UBE3A: variants seen among roughly 807,000 people sequenced by gnomAD.
UBE3A encodes ubiquitin-protein ligase E3A.
A neutral mutation model predicts 83.4 loss-of-function variants in UBE3A; 6 were observed. That is an observed-to-expected ratio of 0.07 (90% CI 0.04 to 0.14). The LOEUF (loss-of-function observed/expected upper bound fraction) is 0.14. Among genes scored for constraint, UBE3A ranks in the 10% least tolerant of loss-of-function variants. The pLI is 1.00. For missense variants in UBE3A, 456 were observed against 1,036.1 expected (o/e 0.44, Z 7.69); for synonymous variants, 337 against 355.4 (o/e 0.95, Z 0.58).
chr15:25,362,191 G>C (rs1168915111), intron 6 of UBE3A, among the ~76,000 whole-genome samples: 1 of 152,190 alleles, frequency 6.6e-6, no homozygotes, highest in East Asian at 1.9e-4. Flanking sequence ...CAAAGAGTTT[G>C]ACAAAACTAG....
At chr15:25,414,663 T>C (rs2090558308) in intron 1 of UBE3A, among the ~76,000 whole-genome samples, 1 of 152,206 alleles carries the variant, frequency 6.6e-6, no homozygotes, top group Non-Finnish European at 1.5e-5. Flanking sequence ...TTCTCAGTCA[T>C]ATTCTAAAGA....
Position 25,362,069 on chromosome 15 carries a change from T to G in UBE3A, c.1609-1542A>C, listed in dbSNP as rs1173825854. On this transcript the variant is annotated intron_variant, in intron 6 of 12. Coordinates refer to ENST00000648336, the MANE Select transcript of UBE3A (RefSeq NM_130839.5). ...GCAATCAGCAATGGGAAAATCAGAA[T>G]GCATTCCACATAGTAATGGAACCTA... 2.6e-5 allele frequency among the ~76,000 whole-genome samples: 4 copies of G among 152,204 alleles called. No individual in the cohort carries two copies. In the East Asian group the frequency reaches 7.7e-4, roughly 29 times the overall value.
At chr15:25,368,836 G>T (rs1311367011) in intron 6 of UBE3A, among the ~76,000 whole-genome samples, 1 of 152,198 alleles carries the variant, frequency 6.6e-6, no homozygotes, top group East Asian at 1.9e-4. Flanking sequence ...AAAAATGGGG[G>T]ACTGAGGAAA....
At chr15:25,364,648 T>TTG (rs1555395647) in intron 6 of UBE3A, among the ~76,000 whole-genome samples, 16 of 128,720 alleles carry the variant, frequency 1.2e-4, no homozygotes, top group African/African-American at 3.9e-4. Flanking sequence ...TTTGTTTGTT[T>TTG]TTTTTTTTTT....
At chr15:25,366,594 T>C (rs1165189220) in intron 6 of UBE3A, among the ~76,000 whole-genome samples, 1 of 152,202 alleles carries the variant, frequency 6.6e-6, no homozygotes, top group Non-Finnish European at 1.5e-5. Context: ...TAGATATTTA[T>C]GTGAAATGCT....
chr15:25,412,128 G>C (rs1053580571), intron 1 of UBE3A, among the ~76,000 whole-genome samples, 157 bp from the exon 2 acceptor site: 2 of 152,012 alleles, frequency 1.3e-5, no homozygotes, highest in Admixed American at 6.6e-5. Context: ...CTGTTGCCGG[G>C]ATGAGGAAAG....
chr15:25,339,672 G>A (rs1396519504), intron 12 of UBE3A: 7 of 298,688 alleles, frequency 2.3e-5, no homozygotes, highest in Non-Finnish European at 4.5e-5. Context: ...CAAAGTGTGT[G>A]CTCTTAAATG....
intron 9 of UBE3A, 104 bp downstream of exon 9, chr15:25,355,788 T>A: frequency 8.6e-7 from 1 of 1,159,460 alleles, no homozygotes; most frequent in Non-Finnish European, 1.2e-6. Context: ...TTACTTGTTT[T>A]TTTTTTGTAC....
In UBE3A at chr15:25,411,893, A is replaced by T. The variant is rs936406057; in HGVS notation, c.-101+15T>A. On this transcript the variant is annotated intron_variant, in intron 2 of 12. Transcript: ENST00000648336. ...ACATGCAATACGAATTCCAAAAAATAAAACAAAAACATACCATATTTCGCC... is the reference window on the plus strand; with the variant it reads ...ACATGCAATACGAATTCCAAAAAATTAAACAAAAACATACCATATTTCGCC... 6.6e-6 allele frequency: 1 copy of T among 152,220 alleles called. No individual in the cohort carries two copies. Among genetic ancestry groups the T allele is most frequent in the African/African-American group, 2.4e-5 (1 of 41,454 alleles). The allele number at this position is 152,220 out of a possible 1,614,324, so 9.4% of individuals were successfully genotyped here.
intron 1 of UBE3A, among the ~76,000 whole-genome samples, chr15:25,435,251 C>A (rs1363988361): frequency 6.6e-6 from 1 of 152,012 alleles, no homozygotes; most frequent in Non-Finnish European, 1.5e-5. Flanking sequence ...CACACACACA[C>A]ACACACACAA....
intron 3 of UBE3A, among the ~76,000 whole-genome samples, chr15:25,406,774 A>T (rs1473742414): frequency 6.6e-6 from 1 of 151,550 alleles, no homozygotes; most frequent in Non-Finnish European, 1.5e-5. Context: ...AAAAACAAAA[A>T]ACAACCCCTC....
intron 5 of UBE3A, chr15:25,375,069 A>G (rs1331396542): frequency 1.5e-5 from 3 of 203,204 alleles, no homozygotes; most frequent in Non-Finnish European, 3.0e-5. Flanking sequence ...AATGGAAAAA[A>G]CCCACTGTTT....
rs1412508793 is a variant in UBE3A at position 25,338,345 on chromosome 15, C to T, written c.*792G>A. ...CAACGAGAACAACAAGAACAAAAAT[C>T]CCTGTCCTTTCATATACTAAGAAAG... On this transcript the variant is annotated 3_prime_UTR_variant, in exon 13 of 13. Coordinates refer to ENST00000648336, the MANE Select transcript of UBE3A (RefSeq NM_130839.5). The T allele has an allele frequency of 6.6e-6, 1 of 152,100 alleles. No individual in the cohort carries two copies. Among genetic ancestry groups the T allele is most frequent in the African/African-American group, 2.4e-5 (1 of 41,432 alleles). 9.4% of individuals were successfully genotyped at this position (152,100 alleles called of 1,614,324 possible). A position where few individuals can be genotyped will look rare whatever the true frequency, so the allele number is the denominator to read the frequency against.
chr15:25,363,891 T>G (rs969496901), intron 6 of UBE3A, among the ~76,000 whole-genome samples: 1 of 152,146 alleles, frequency 6.6e-6, no homozygotes, highest in Non-Finnish European at 1.5e-5. Flanking sequence ...CATAAAATAC[T>G]GTACCACTTA....
chr15:25,355,784 GT>G lies in UBE3A; in HGVS notation c.2124+107del, dbSNP rs901925825. 2,071 of 975,824 alleles carry G rather than the reference GT, an allele frequency of 2.1e-3. 1 individual carries two copies. The highest frequency in any genetic ancestry group is 3.1e-3 in the South Asian group (179 of 57,802). 60.4% of individuals were successfully genotyped at this position (975,824 alleles called of 1,614,324 possible). On this transcript the variant is annotated intron_variant, in intron 9 of 12. Transcript: ENST00000648336. ...AGCATTTACATAAACTTAGTTACTT[GT>G]TTTTTTTTTGTACAGACTATATTAG...
At chr15:25,387,527 AAAAAG>A (rs982399740) in intron 4 of UBE3A, among the ~76,000 whole-genome samples, 18 of 152,178 alleles carry the variant, frequency 1.2e-4, no homozygotes, top group East Asian at 5.8e-4. Flanking sequence ...ATCTCAAAAA[AAAAAG>A]AAAAGAAAAG....
chr15:25,410,052 G>A (rs1179902901), intron 2 of UBE3A, among the ~76,000 whole-genome samples: 2 of 152,052 alleles, frequency 1.3e-5, no homozygotes, highest in African/African-American at 4.8e-5. Context: ...TAAATGACGA[G>A]TTAATGGGTG....
intron 3 of UBE3A, chr15:25,408,831 T>C (rs947141585): frequency 2.4e-6 from 2 of 834,608 alleles, no homozygotes; most frequent in Non-Finnish European, 3.5e-6. Flanking sequence ...TAGTAAAATG[T>C]TTAAAACCTT....
intron 1 of UBE3A, among the ~76,000 whole-genome samples, chr15:25,431,595 G>A (rs1256468831): frequency 1.3e-5 from 2 of 151,988 alleles, no homozygotes; most frequent in African/African-American, 4.8e-5. Context: ...CGTGTGCCTC[G>A]GCCTCCCAAA....
Sources: allele counts gnomAD v4.1 joint callset (sites outside exome capture counted in the v4.1 genomes callset), GRCh38; gene constraint gnomAD v4.1.1; transcripts MANE v1.5; gene names NCBI Gene and HGNC (gene_info 2026-07-23, HGNC 2026-07-21).